Variants in LRRTM4 observed in about 807,000 individuals in gnomAD.
LRRTM4 encodes the protein leucine rich repeat transmembrane neuronal 4.
A neutral mutation model predicts 47.6 loss-of-function variants in LRRTM4; 25 were observed. The observed-to-expected ratio is 0.53, with a 90% CI of 0.38 to 0.73. The LOEUF (loss-of-function observed/expected upper bound fraction) is 0.73, where lower values mean the gene tolerates loss of function less well. Among genes scored for constraint, LRRTM4 ranks in the 30% least tolerant of loss-of-function variants. The probability of loss-of-function intolerance (pLI) is 0.00; values close to 1 mark genes in which losing one functional copy is unlikely to be tolerated. For missense variants in LRRTM4, 638 were observed against 713.4 expected (o/e 0.89, Z 1.20); for synonymous variants, 311 against 269.5 (o/e 1.15, Z -1.51).
intron 3 of LRRTM4, among the ~76,000 whole-genome samples, chr2:77,133,146 A>G (rs928201458): frequency 2.0e-5 from 3 of 152,142 alleles, no homozygotes; most frequent in African/African-American, 7.2e-5. Flanking sequence ...TTGTGAGCTT[A>G]AATTATGCCT....
chr2:77,457,048 A>ATATATATG (rs1374730571), intron 3 of LRRTM4, among the ~76,000 whole-genome samples: 56 of 14,626 alleles, frequency 3.8e-3, no homozygotes, highest in African/African-American at 9.6e-3. Flanking sequence ...ATATATATAT[A>ATATATATG]TATGTATAAC....
At chr2:76,906,443 G>A (rs1383006200) in intron 3 of LRRTM4, among the ~76,000 whole-genome samples, 1 of 151,500 alleles carries the variant, frequency 6.6e-6, no homozygotes, top group East Asian at 1.9e-4. Context: ...ATCAACTAAC[G>A]AGCAAAATAA....
intron 3 of LRRTM4, among the ~76,000 whole-genome samples, chr2:76,975,811 A>C (rs1488484126): frequency 6.6e-6 from 1 of 151,690 alleles, no homozygotes; most frequent in Non-Finnish European, 1.5e-5. Context: ...TCAGTGTCTT[A>C]TACTCTCTTA....
chr2:77,319,924 A>T (rs1677737126), intron 3 of LRRTM4, among the ~76,000 whole-genome samples: 1 of 152,222 alleles, frequency 6.6e-6, no homozygotes, highest in South Asian at 2.1e-4. Flanking sequence ...CCATCATAGA[A>T]CATCCCTTCT....
intron 3 of LRRTM4, among the ~76,000 whole-genome samples, chr2:77,294,514 C>T (rs905072493): frequency 2.6e-5 from 4 of 151,998 alleles, no homozygotes; most frequent in African/African-American, 9.7e-5. Flanking sequence ...GTAACAAAAG[C>T]AGATATATAG....
chr2:76,986,002 G>A (rs1676780386), intron 3 of LRRTM4: 2 of 152,068 alleles, frequency 1.3e-5, no homozygotes, highest in South Asian at 2.1e-4. Flanking sequence ...CTAGCAAAGG[G>A]TAGAGTTCTC....
intron 2 of LRRTM4, among the ~76,000 whole-genome samples, chr2:77,520,642 T>G (rs1334451657): frequency 6.6e-6 from 1 of 152,138 alleles, no homozygotes; most frequent in African/African-American, 2.4e-5. Context: ...AAAATAATAT[T>G]GTGTAGTATC....
chr2:77,315,812 A>C (rs1677601916), intron 3 of LRRTM4, among the ~76,000 whole-genome samples: 1 of 152,242 alleles, frequency 6.6e-6, no homozygotes, highest in African/African-American at 2.4e-5. Context: ...TGATCATCAC[A>C]GAAGATACTG....
At chr2:77,106,643 G>A (rs1465851284) in intron 3 of LRRTM4, among the ~76,000 whole-genome samples, 2 of 152,082 alleles carry the variant, frequency 1.3e-5, no homozygotes, top group African/African-American at 4.8e-5. Context: ...TAATGGATAT[G>A]TTAGAATTAC....
At chr2:77,167,257 A>G (rs6740760) in intron 3 of LRRTM4, among the ~76,000 whole-genome samples, 89,696 of 152,002 alleles carry the variant, frequency 0.59, 26,541 homozygotes, top group East Asian at 0.64. Flanking sequence ...ATGAGATACC[A>G]TTTCACATCA....
chr2:77,254,039 T>C (rs979685207), intron 3 of LRRTM4, among the ~76,000 whole-genome samples: 6 of 152,094 alleles, frequency 3.9e-5, no homozygotes, highest in Non-Finnish European at 8.8e-5. Flanking sequence ...TGTATGTTTA[T>C]ATATACACAC....
Position 76,956,047 on chromosome 2 carries a change from A to C in LRRTM4, c.1552-207131T>G, listed in dbSNP as rs77331392. ...TAGAGAGGTTGAATGGATTCAAAGAATAATATTCAACTGTAGGCTGTCTAG... is the reference window on the plus strand; with the variant it reads ...TAGAGAGGTTGAATGGATTCAAAGACTAATATTCAACTGTAGGCTGTCTAG... On this transcript the variant is annotated intron_variant, in intron 3 of 3. Transcript: ENST00000409884. Among the ~76,000 whole-genome samples, 1,243 of 151,874 alleles carry C rather than the reference A, an allele frequency of 8.2e-3. 4 individuals are homozygous for C. Among genetic ancestry groups the C allele is most frequent in the Admixed American group, 0.014 (213 of 15,200 alleles).
chr2:77,270,366 T>C (rs528999454), intron 3 of LRRTM4, among the ~76,000 whole-genome samples: 1 of 152,322 alleles, frequency 6.6e-6, no homozygotes, highest in Non-Finnish European at 1.5e-5. Context: ...ATTATTTATA[T>C]TGGGATCTCT....
intron 3 of LRRTM4, among the ~76,000 whole-genome samples, chr2:77,387,525 C>T (rs1207552797): frequency 6.6e-6 from 1 of 152,104 alleles, no homozygotes; most frequent in Non-Finnish European, 1.5e-5. Flanking sequence ...CCAGTACATG[C>T]ACACCATTAA....
intron 3 of LRRTM4, among the ~76,000 whole-genome samples, chr2:77,372,220 T>C (rs1487105419): frequency 6.6e-6 from 1 of 151,804 alleles, no homozygotes; most frequent in East Asian, 1.9e-4. Flanking sequence ...GGAGAATTAA[T>C]CTCTACCTTC....
intron 3 of LRRTM4, among the ~76,000 whole-genome samples, chr2:77,261,637 A>G (rs1374805954): frequency 6.6e-6 from 1 of 152,056 alleles, no homozygotes; most frequent in Non-Finnish European, 1.5e-5. Context: ...AAAGGGTCCC[A>G]GGATCTAACA....
chr2:77,155,156 G>T (rs1461630349), intron 3 of LRRTM4, among the ~76,000 whole-genome samples: 1 of 151,912 alleles, frequency 6.6e-6, no homozygotes, highest in Non-Finnish European at 1.5e-5. Context: ...AGTACATTTT[G>T]ATTTTAAATA....
At chr2:77,335,984 T>G (rs1671147469) in intron 3 of LRRTM4, among the ~76,000 whole-genome samples, 1 of 151,986 alleles carries the variant, frequency 6.6e-6, no homozygotes, top group Non-Finnish European at 1.5e-5. Context: ...AGTAACTGGG[T>G]TCACTTAAAG....
At chr2:77,341,163 TGG>T (rs1384996072) in intron 3 of LRRTM4, among the ~76,000 whole-genome samples, 1 of 151,950 alleles carries the variant, frequency 6.6e-6, no homozygotes, top group African/African-American at 2.4e-5. Flanking sequence ...CCATAAAGAC[TGG>T]GACAGAGTCC....
Sources: allele counts gnomAD v4.1 joint callset (sites outside exome capture counted in the v4.1 genomes callset), GRCh38; gene constraint gnomAD v4.1.1; transcripts MANE v1.5; gene names NCBI Gene and HGNC (gene_info 2026-07-23, HGNC 2026-07-21).